The following THEMIS variants were observed in gnomAD, a reference collection of about 807,000 sequenced individuals.
The protein encoded by THEMIS is thymocyte selection associated, also known as protein THEMIS.
In THEMIS, 37 loss-of-function variants were observed where a neutral mutation model predicts 52.6. The ratio of observed to expected loss-of-function variants is 0.70; its 90% CI spans 0.54 to 0.93. The LOEUF (loss-of-function observed/expected upper bound fraction) is 0.93. THEMIS is among the 40% of genes least tolerant of loss of function. The pLI, the probability that THEMIS is intolerant of heterozygous loss-of-function variation, is 0.00. For missense variants in THEMIS, 808 were observed against 763.1 expected (o/e 1.06, Z -0.69); for synonymous variants, 292 against 272.7 (o/e 1.07, Z -0.70).
intron 3 of THEMIS, among the ~76,000 whole-genome samples, chr6:127,818,759 G>C (rs554385950): frequency 6.6e-6 from 1 of 152,022 alleles, no homozygotes; most frequent in African/African-American, 2.4e-5. Flanking sequence ...CAACATGTAG[G>C]GAAAGATGGG....
chr6:127,916,141 G>A (rs939542597), intron 1 of THEMIS, among the ~76,000 whole-genome samples: 8 of 151,250 alleles, frequency 5.3e-5, no homozygotes, highest in African/African-American at 1.2e-4. Flanking sequence ...TTTATATTAC[G>A]AGACCTAGAG....
intron 4 of THEMIS, among the ~76,000 whole-genome samples, chr6:127,752,496 T>A (rs1400779038): frequency 6.7e-6 from 1 of 149,110 alleles, no homozygotes; most frequent in Non-Finnish European, 1.5e-5. Context: ...ATACAAAAGA[T>A]CACAATGGAC....
chr6:127,852,357 G>A (rs1296771800), intron 2 of THEMIS, among the ~76,000 whole-genome samples: 1 of 151,372 alleles, frequency 6.6e-6, no homozygotes, highest in Non-Finnish European at 1.5e-5. Context: ...CAAAGAAATA[G>A]AAGACTTGAA....
chr6:127,737,845 A>G (rs1228033885), intron 4 of THEMIS, among the ~76,000 whole-genome samples: 2 of 152,128 alleles, frequency 1.3e-5, no homozygotes, highest in East Asian at 3.8e-4. Flanking sequence ...TACCCCTGAC[A>G]TGGATCAGTA....
At chr6:127,719,560 A>G (rs1369421900) in intron 5 of THEMIS, 128 bp downstream of exon 5, 1 of 731,866 alleles carries the variant, frequency 1.4e-6, no homozygotes, top group Non-Finnish European at 2.2e-6. Context: ...TGATTGGCAG[A>G]GCAGGGTGAT....
At chr6:127,837,820 G>C (rs1250669828) in intron 2 of THEMIS, among the ~76,000 whole-genome samples, 1 of 151,840 alleles carries the variant, frequency 6.6e-6, no homozygotes, top group Non-Finnish European at 1.5e-5. Flanking sequence ...ACTCCTACTT[G>C]TCTCATTTAA....
intron 4 of THEMIS, among the ~76,000 whole-genome samples, chr6:127,784,120 G>T (rs779889979): frequency 6.6e-6 from 1 of 152,104 alleles, no homozygotes; most frequent in Non-Finnish European, 1.5e-5. Flanking sequence ...ATCATTCTCA[G>T]CAAACTAATA....
chr6:127,713,245 C>T (rs1353047196), intron 5 of THEMIS, among the ~76,000 whole-genome samples: 3 of 152,008 alleles, frequency 2.0e-5, no homozygotes, highest in East Asian at 1.9e-4. Context: ...TTAATAGCTG[C>T]TTTATTTCCC....
chr6:127,784,060 A>C (rs1314783719), intron 4 of THEMIS, among the ~76,000 whole-genome samples: 1 of 152,222 alleles, frequency 6.6e-6, no homozygotes, highest in South Asian at 2.1e-4. Flanking sequence ...GCAGACATAC[A>C]AAAGGATGAG....
intron 1 of THEMIS, among the ~76,000 whole-genome samples, chr6:127,874,827 T>G (rs1780266553): frequency 6.6e-6 from 1 of 152,242 alleles, no homozygotes; most frequent in South Asian, 2.1e-4. Flanking sequence ...TAATATTGTA[T>G]TACAGTTTTG....
At chr6:127,854,989 A>G (rs1205019292) in intron 2 of THEMIS, 41 bp downstream of exon 2, 2 of 1,546,474 alleles carry the variant, frequency 1.3e-6, no homozygotes, top group Non-Finnish European at 1.7e-6. Flanking sequence ...ATTAATAACA[A>G]TATAGTTGTA....
chr6:127,838,062 T>C (rs1778929362), intron 2 of THEMIS, among the ~76,000 whole-genome samples: 1 of 152,094 alleles, frequency 6.6e-6, no homozygotes, highest in Non-Finnish European at 1.5e-5. Context: ...ATAAAGGCTC[T>C]TTTCTCAGCA....
chr6:127,874,436 G>C (rs1278134425), intron 1 of THEMIS, among the ~76,000 whole-genome samples: 1 of 152,166 alleles, frequency 6.6e-6, no homozygotes, highest in Non-Finnish European at 1.5e-5. Flanking sequence ...TATATTTTAT[G>C]GTAGTATACG....
upstream of THEMIS, among the ~76,000 whole-genome samples, chr6:127,904,625 A>G (rs1351740209): frequency 6.6e-6 from 1 of 152,104 alleles, no homozygotes; most frequent in Non-Finnish European, 1.5e-5. Flanking sequence ...TAAGTATGAA[A>G]TGAATGGGAA....
intron 1 of THEMIS, among the ~76,000 whole-genome samples, chr6:127,871,611 G>A (rs530372118): frequency 5.9e-5 from 9 of 152,118 alleles, no homozygotes; most frequent in Admixed American, 4.6e-4. Flanking sequence ...TTATCAATAA[G>A]AGGATAGCAC....
At chr6:127,837,117 C>A (rs941953423) in intron 2 of THEMIS, among the ~76,000 whole-genome samples, 1 of 152,040 alleles carries the variant, frequency 6.6e-6, no homozygotes, top group East Asian at 1.9e-4. Context: ...TGTCTGGCAG[C>A]CCTGGATATG....
intron 4 of THEMIS, among the ~76,000 whole-genome samples, chr6:127,750,876 AG>A (rs1358003452): frequency 6.6e-6 from 1 of 151,738 alleles, no homozygotes; most frequent in Non-Finnish European, 1.5e-5. Flanking sequence ...CACCAGGAAA[AG>A]CTGCCCTTCA....
chr6:127,842,189 C>G (rs922529015), intron 2 of THEMIS, among the ~76,000 whole-genome samples: 2 of 151,572 alleles, frequency 1.3e-5, no homozygotes, highest in African/African-American at 4.8e-5. Context: ...ATATTTTAAT[C>G]AAATAAAAAA....
At chr6:127,835,650 A>G (rs1195476669) in intron 2 of THEMIS, among the ~76,000 whole-genome samples, 1 of 152,168 alleles carries the variant, frequency 6.6e-6, no homozygotes, top group East Asian at 1.9e-4. Flanking sequence ...TGTAATTTCA[A>G]TGCCAACGAG....
Sources: gnomAD v4.1 joint callset for allele counts (sites outside exome capture counted in the v4.1 genomes callset) on GRCh38, gnomAD v4.1.1 for gene constraint, MANE v1.5 for transcripts, NCBI Gene and HGNC (gene_info 2026-07-23, HGNC 2026-07-21) for gene names.